Variants in SNTB1 observed in about 807,000 individuals in gnomAD.
SNTB1 encodes the protein syntrophin beta 1.
A neutral mutation model predicts 48.9 loss-of-function variants in SNTB1; 36 were observed. That is an observed-to-expected ratio of 0.74 (90% CI 0.56 to 0.97). The LOEUF (loss-of-function observed/expected upper bound fraction) is 0.97. Ranked by LOEUF, SNTB1 falls within the 50% of genes least tolerant of loss-of-function variation. The probability of loss-of-function intolerance (pLI) is 0.00; values close to 1 mark genes in which losing one functional copy is unlikely to be tolerated. For synonymous variants in SNTB1, 299 were observed against 294.6 expected (o/e 1.01, Z -0.15); for missense variants, 786 against 703.4 (o/e 1.12, Z -1.33).
At chr8:120,661,088 G>A (rs1817580796) in intron 2 of SNTB1, among the ~76,000 whole-genome samples, 1 of 152,004 alleles carries the variant, frequency 6.6e-6, no homozygotes, top group African/African-American at 2.4e-5. Flanking sequence ...GAATTACTGT[G>A]AGAATTACAA....
intron 1 of SNTB1, among the ~76,000 whole-genome samples, chr8:120,784,308 T>A (rs533318163): frequency 1.2e-4 from 18 of 151,124 alleles, no homozygotes; most frequent in African/African-American, 3.7e-4. Context: ...CCATTTTTTT[T>A]AAAGGGATTT....
intron 1 of SNTB1, among the ~76,000 whole-genome samples, chr8:120,771,460 T>C (rs1255967930): frequency 2.6e-5 from 4 of 152,216 alleles, no homozygotes; most frequent in Non-Finnish European, 1.5e-5. Context: ...TCTGTTCCAT[T>C]GCATCACAAG....
rs540258644 is a variant in SNTB1, at chr8:120,799,774, T to C, written c.571+11499A>G. On this transcript the variant is annotated intron_variant, in intron 1 of 6. Coordinates refer to ENST00000517992, the MANE Select transcript of SNTB1 (RefSeq NM_021021.4). ...CCTTAGTGACTTAGTGATTTTTTCA[T>C]GACACACTTGGGGACCAAAGAAATA... Among the ~76,000 whole-genome samples the C allele has an allele frequency of 5.9e-5, 9 of 152,096 alleles. No homozygotes were observed. The Middle Eastern group carries it at 0.01, about 172-fold the overall frequency.
At chr8:120,613,925 G>C (rs955846957) in intron 3 of SNTB1, among the ~76,000 whole-genome samples, 5 of 152,094 alleles carry the variant, frequency 3.3e-5, no homozygotes, top group Admixed American at 6.5e-5. Context: ...ATAATAATAA[G>C]AGCTTATCTT....
intron 1 of SNTB1, among the ~76,000 whole-genome samples, chr8:120,698,842 C>T (rs763098024): frequency 1.3e-4 from 20 of 152,134 alleles, no homozygotes; most frequent in Non-Finnish European, 2.1e-4. Flanking sequence ...GTGAAAACTT[C>T]ATGGTTCTCT....
At chr8:120,590,110 A>G (rs1207922868) in intron 3 of SNTB1, among the ~76,000 whole-genome samples, 1 of 152,182 alleles carries the variant, frequency 6.6e-6, no homozygotes, top group East Asian at 1.9e-4. Flanking sequence ...CTACACTGCA[A>G]AGAATCTGCT....
chr8:120,737,420 C>T (rs1223081419), intron 1 of SNTB1, among the ~76,000 whole-genome samples: 1 of 152,140 alleles, frequency 6.6e-6, no homozygotes, highest in African/African-American at 2.4e-5. Context: ...GTGTATGTTA[C>T]TTCTAAGGAA....
At chr8:120,739,864 T>G (rs1819015292) in intron 1 of SNTB1, among the ~76,000 whole-genome samples, 1 of 152,196 alleles carries the variant, frequency 6.6e-6, no homozygotes, top group South Asian at 2.1e-4. Flanking sequence ...TACTCCCATT[T>G]TATTGGTGAG....
At chr8:120,699,689 C>T (rs1818272814) in intron 1 of SNTB1, among the ~76,000 whole-genome samples, 1 of 152,116 alleles carries the variant, frequency 6.6e-6, no homozygotes. Context: ...ACACACAACC[C>T]ATTGGCCAGA....
intron 1 of SNTB1, among the ~76,000 whole-genome samples, chr8:120,710,616 C>T (rs1171004837): frequency 6.6e-6 from 1 of 152,058 alleles, no homozygotes; most frequent in African/African-American, 2.4e-5. Context: ...AGTGCCTTAC[C>T]AAAGGGCAGG....
intron 1 of SNTB1, among the ~76,000 whole-genome samples, chr8:120,735,634 C>T (rs565615062): frequency 7.2e-5 from 11 of 152,264 alleles, no homozygotes; most frequent in African/African-American, 2.4e-4. Context: ...AGAAGGCAGC[C>T]GTCTGCAGCC....
intron 2 of SNTB1, chr8:120,637,521 T>G: frequency 5.0e-6 from 1 of 200,220 alleles, no homozygotes; most frequent in Non-Finnish European, 1.0e-5. Context: ...TTTAAAGTAC[T>G]TATTTTTATT....
At chr8:120,754,915 A>G (rs1587136133) in intron 1 of SNTB1, among the ~76,000 whole-genome samples, 1 of 152,326 alleles carries the variant, frequency 6.6e-6, no homozygotes, top group South Asian at 2.1e-4. Context: ...GACGACAAGC[A>G]AGATTATGAG....
chr8:120,674,614 T>C (rs1361416105), intron 2 of SNTB1, among the ~76,000 whole-genome samples: 5 of 152,208 alleles, frequency 3.3e-5, no homozygotes, highest in Non-Finnish European at 7.3e-5. Context: ...CGGTTTGTTT[T>C]TTTTCCTTAC....
At chr8:120,798,395 G>A (rs1441913431) in intron 1 of SNTB1, among the ~76,000 whole-genome samples, 1 of 152,026 alleles carries the variant, frequency 6.6e-6, no homozygotes, top group East Asian at 1.9e-4. Flanking sequence ...AATGTCTGAA[G>A]ACACTTTGGT....
intron 1 of SNTB1, among the ~76,000 whole-genome samples, chr8:120,712,941 G>A (rs764227545): frequency 6.6e-6 from 1 of 152,080 alleles, no homozygotes; most frequent in South Asian, 2.1e-4. Context: ...CTGTGACACC[G>A]TCTTCTCCTC....
At chr8:120,685,468 A>T (rs932435858) in intron 2 of SNTB1, among the ~76,000 whole-genome samples, 1 of 152,204 alleles carries the variant, frequency 6.6e-6, no homozygotes, top group East Asian at 1.9e-4. Context: ...AGCCTAAGCC[A>T]TGCCTGGGGC....
intron 1 of SNTB1, among the ~76,000 whole-genome samples, chr8:120,790,039 C>T (rs977945314): frequency 6.6e-6 from 1 of 151,964 alleles, no homozygotes; most frequent in Non-Finnish European, 1.5e-5. Context: ...AAGTAATTCA[C>T]CATGATCAGG....
intron 2 of SNTB1, among the ~76,000 whole-genome samples, chr8:120,675,226 A>G (rs1232155349): frequency 6.6e-6 from 1 of 152,194 alleles, no homozygotes; most frequent in Non-Finnish European, 1.5e-5. Flanking sequence ...TGTATTAAGA[A>G]CTATATAAAG....
Sources: gnomAD v4.1 joint callset for allele counts (sites outside exome capture counted in the v4.1 genomes callset) on GRCh38, gnomAD v4.1.1 for gene constraint, MANE v1.5 for transcripts, NCBI Gene and HGNC (gene_info 2026-07-23, HGNC 2026-07-21) for gene names.